ZBTB9: variants seen among roughly 807,000 people sequenced by gnomAD.
The protein encoded by ZBTB9 is zinc finger and BTB domain-containing protein 9.
Under a neutral mutation model 26.3 loss-of-function variants are expected in ZBTB9, and 17 were observed. That is an observed-to-expected ratio of 0.65 (90% CI 0.44 to 0.97). ZBTB9 has a LOEUF of 0.97. Among genes scored for constraint, ZBTB9 ranks in the 50% least tolerant of loss-of-function variants. The pLI, the probability that ZBTB9 is intolerant of heterozygous loss-of-function variation, is 0.00. For missense variants in ZBTB9, 510 were observed against 594.2 expected, an observed-to-expected ratio of 0.86 and a Z score of 1.47; for synonymous variants, 226 against 234.3, an observed-to-expected ratio of 0.96 and a Z score of 0.32.
Position 33,456,289 on chromosome 6 carries a change from A to G in ZBTB9, c.1189A>G (p.Lys397Glu), listed in dbSNP as rs1178714100. ...LCGKRFAVKP[K>E]RDRHIMLTFS... is the part of the protein sequence containing the mutation. ...TGGGAAGCGGTTTGCAGTGAAGCCAAAGCGTGACCGGCACATCATGCTGAC... is the reference window on the plus strand; with the variant it reads ...TGGGAAGCGGTTTGCAGTGAAGCCAGAGCGTGACCGGCACATCATGCTGAC... The change falls in exon 2 of 2, where the codon AAG becomes GAG. Residue 397 changes from lysine (K) to glutamate (E), a missense_variant. By Grantham distance (56) the Lys-to-Glu change is moderately conservative (BLOSUM62 1). Around this residue, in one of 2 missense-constraint regions of ZBTB9, gnomAD observed 71 missense variants for 133.8 expected, o/e 0.53. Coordinates refer to ENST00000395064, the MANE Select transcript of ZBTB9 (RefSeq NM_152735.4). The surrounding 1 kb of genome is among the most constrained non-coding windows in gnomAD (Gnocchi z 5.1). 6.2e-7 allele frequency: 1 copy of G among 1,613,638 alleles called. No individual in the cohort carries two copies. The highest frequency in any genetic ancestry group is 8.5e-7 in the Non-Finnish European group (1 of 1,179,854).
upstream of ZBTB9, chr6:33,453,185 ACTC>A (rs1341592339): frequency 2.7e-5 from 4 of 149,886 alleles, no homozygotes; most frequent in Admixed American, 1.3e-4. Context: ...CCTAGACTCT[ACTC>A]CTCTTTCTTT....
rs764074103 is a variant in ZBTB9, at chr6:33,456,041, C to T, written c.941C>T (p.Ser314Phe). ...GCAAAGGAGGAAACCAAAGTGTTTT[C>T]TGGAGGGGACACTGAAGGGAATGGG... Reference protein sequence around the residue: ...GGAKEETKVFSGGDTEGNGEL... With the variant: ...GGAKEETKVFFGGDTEGNGEL... The change falls in exon 2 of 2, where the codon TCT becomes TTT. Residue 314 changes from serine to phenylalanine, a missense_variant. Transcript: ENST00000395064. The surrounding 1 kb of genome is among the most constrained non-coding windows in gnomAD (Gnocchi z 5.1). 3.7e-6 allele frequency: 6 copies of T among 1,613,916 alleles called. No homozygotes were observed. The East Asian group carries it at 1.1e-4, about 30-fold the overall frequency.
chr6:33,454,962 G>A, intron 1 of ZBTB9, 68 bp from the exon 2 acceptor site: 1 of 1,337,920 alleles, frequency 7.5e-7, no homozygotes, highest in East Asian at 2.5e-5. Flanking sequence ...CGTGGGGAGG[G>A]GGTTGTTTGA....
In ZBTB9 at chr6:33,457,055, C is replaced by T; in HGVS notation, c.*533C>T. 1 of 167,818 alleles carries T rather than the reference C, an allele frequency of 6.0e-6. No homozygotes were observed. Among genetic ancestry groups the T allele is most frequent in the Non-Finnish European group, 1.5e-5 (1 of 68,588 alleles). 10.4% of individuals were successfully genotyped at this position (167,818 alleles called of 1,614,324 possible). ...TTTTAAAATTGTATCTTTCCAGGAG[C>T]CCCTCAGATTGTACCTTGCTTTCTC... On this transcript the variant is annotated 3_prime_UTR_variant, in exon 2 of 2. Transcript: ENST00000395064.
chr6:33,455,683 C>T lies in ZBTB9; in HGVS notation c.583C>T (p.Pro195Ser), dbSNP rs770000350. The T allele has an allele frequency of 6.2e-7, 1 of 1,614,160 alleles. No homozygotes were observed. The highest frequency in any genetic ancestry group is 8.5e-7 in the Non-Finnish European group (1 of 1,180,042). ...TGAAAGCCCTGCTTCCACTGAGAGC[C>T]CTGTGGGAGGGGAGGGAAGTGAACT... ...STESPASTES[P>S]VGGEGSELGE... is the part of the protein sequence containing the mutation. The change falls in exon 2 of 2, where the codon CCT becomes TCT. Residue 195 changes from proline (P) to serine (S), a missense_variant. Physicochemically the swap from Pro to Ser is moderately conservative, Grantham distance 74 (BLOSUM62 -1). This residue lies in a region of ZBTB9 where 439 missense variants were observed against 460.4 expected (regional missense o/e 0.95). Transcript: ENST00000395064.
chr6:33,455,902 G>A lies in ZBTB9; in HGVS notation c.802G>A (p.Ala268Thr). 1 of 1,613,344 alleles carries A rather than the reference G, an allele frequency of 6.2e-7. No homozygotes were observed. The highest frequency in any genetic ancestry group is 8.5e-7 in the Non-Finnish European group (1 of 1,179,654). ...TPRKLPEGES[A>T]PLELPAPPAL... is the part of the protein sequence containing the mutation. ...CCGAAAGCTTCCAGAGGGTGAGAGT[G>A]CACCACTTGAGCTTCCTGCCCCTCC... Residue 268 changes from alanine (A) to threonine (T), a missense_variant, in exon 2 of 2, where the codon GCA (alanine) becomes ACA (threonine). Physicochemically the swap from Ala to Thr is moderately conservative, Grantham distance 58. This residue lies in a region of ZBTB9 where 439 missense variants were observed against 460.4 expected (regional missense o/e 0.95). Transcript: ENST00000395064.
At position 33,455,857 on chromosome 6, in the gene ZBTB9, C is replaced by G. The variant is rs752687457; in HGVS notation, c.757C>G (p.Leu253Val). 11 of 1,612,850 alleles carry G rather than the reference C, an allele frequency of 6.8e-6. No individual in the cohort carries two copies. In the Admixed American group the frequency reaches 1.8e-4, roughly 27 times the overall value. ...TCCCCGTCCTCATGGACCCCACCCA[C>G]TGCCCATGACTGCTACTCCCCGAAA... ...VFPRPHGPHP[L>V]PMTATPRKLP... The change falls in exon 2 of 2, where the codon CTG becomes GTG. Residue 253 changes from leucine to valine, a missense_variant. Physicochemically the swap from Leu to Val is conservative, Grantham distance 32 (BLOSUM62 1). Around this residue, in one of 2 missense-constraint regions of ZBTB9, gnomAD observed 439 missense variants for 460.4 expected, o/e 0.95. Coordinates refer to ENST00000395064, the MANE Select transcript of ZBTB9 (RefSeq NM_152735.4).
Position 33,456,225 on chromosome 6 carries a change from G to T in ZBTB9, c.1125G>T (p.Gly375=). 1 of 1,612,542 alleles carries T rather than the reference G, an allele frequency of 6.2e-7. No individual in the cohort carries two copies. Among genetic ancestry groups the T allele is most frequent in the Non-Finnish European group, 8.5e-7 (1 of 1,179,488 alleles). ...TGCATGGGCCTGTGAAGCTAGGGGG[G>T]ACACCCCCTGCAGATGGAAAACGCT... The part of the protein sequence containing the change: ...QAVHGPVKLG[G]TPPADGKRFG... Residue 375 remains glycine (G), a synonymous_variant, in exon 2 of 2, where the codon GGG becomes GGT. Transcript: ENST00000395064. This position sits in a 1 kb window ranked among gnomAD's most constrained non-coding sequence, Gnocchi z 5.1.
At position 33,455,280 on chromosome 6, in the gene ZBTB9, G is replaced by T; in HGVS notation, c.180G>T (p.Arg60Ser). The T allele has an allele frequency of 6.2e-7, 1 of 1,614,174 alleles. No individual in the cohort carries two copies. The highest frequency in any genetic ancestry group is 8.5e-7 in the Non-Finnish European group (1 of 1,180,044). Residue 60 changes from arginine (R) to serine (S), a missense_variant, in exon 2 of 2, where the codon AGG (arginine) becomes AGT (serine). Physicochemically the swap from Arg to Ser is moderately radical, Grantham distance 110. This residue lies in a region of ZBTB9 where 439 missense variants were observed against 460.4 expected (regional missense o/e 0.95). Coordinates refer to ENST00000395064, the MANE Select transcript of ZBTB9 (RefSeq NM_152735.4). ...TCCTGGTGCAGGGCCGGGAACTTAG[G>T]GCTCATAAAGCAGTGTTAGCTGCTG... ...VSLLVQGREL[R>S]AHKAVLAAAS...
rs771693572 is a variant in ZBTB9, at chr6:33,456,167, G to T, written c.1067G>T (p.Gly356Val). 4.4e-6 allele frequency: 7 copies of T among 1,609,054 alleles called. No homozygotes were observed. Among genetic ancestry groups the T allele is most frequent in the South Asian group, 1.1e-5 (1 of 90,540 alleles). ...VDLHGNEILSGGGGPGGAGQA... is the reference protein window; with the variant it reads ...VDLHGNEILSVGGGPGGAGQA... ...CTTCATGGGAATGAAATCCTGTCAG[G>T]GGGTGGAGGACCTGGGGGAGCAGGC... Residue 356 changes from glycine to valine, a missense_variant, in exon 2 of 2, where the codon GGG (glycine) becomes GTG (valine). Around this residue, in one of 2 missense-constraint regions of ZBTB9, gnomAD observed 439 missense variants for 460.4 expected, o/e 0.95. Coordinates refer to ENST00000395064, the MANE Select transcript of ZBTB9 (RefSeq NM_152735.4). The surrounding 1 kb of genome is among the most constrained non-coding windows in gnomAD (Gnocchi z 5.1).
chr6:33,456,466 C>T lies in ZBTB9; in HGVS notation c.1366C>T (p.His456Tyr). ...RFRVHACFLRHRDLCKGQGWA... is the reference protein window; with the variant it reads ...RFRVHACFLRYRDLCKGQGWA... ...CCGAGTCCATGCCTGTTTTCTCCGC[C>T]ACCGGGACCTATGCAAGGGCCAGGG... The change falls in exon 2 of 2, where the codon CAC (histidine) becomes TAC (tyrosine). Residue 456 changes from histidine to tyrosine, a missense_variant. His to Tyr is a moderately conservative substitution (Grantham distance 83). Around this residue, in one of 2 missense-constraint regions of ZBTB9, gnomAD observed 71 missense variants for 133.8 expected, o/e 0.53. Transcript: ENST00000395064. The surrounding 1 kb of genome is among the most constrained non-coding windows in gnomAD (Gnocchi z 5.1). 1 of 1,613,976 alleles carries T rather than the reference C, an allele frequency of 6.2e-7. No homozygotes were observed. Among genetic ancestry groups the T allele is most frequent in the African/African-American group, 1.3e-5 (1 of 75,022 alleles).
At chr6:33,453,528 GTTTTA>G (rs1403215247), upstream of ZBTB9, 1 of 135,736 alleles carries the variant, frequency 7.4e-6, no homozygotes, top group Non-Finnish European at 1.5e-5. Context: ...CTTCCTACCT[GTTTTA>G]TTTTGTTTTC....
At position 33,455,022 on chromosome 6, in the gene ZBTB9, C is replaced by G. The variant is rs573501402; in HGVS notation, c.-71-8C>G. The G allele has an allele frequency of 6.6e-7, 1 of 1,513,754 alleles. No homozygotes were observed. The highest frequency in any genetic ancestry group is 8.8e-7 in the Non-Finnish European group (1 of 1,131,888). The allele number at this position is 1,513,754 out of a possible 1,614,324, so 93.8% of individuals were successfully genotyped here. A position where few individuals can be genotyped will look rare whatever the true frequency, so the allele number is the denominator to read the frequency against. Reference sequence around the variant, plus strand: ...GGCTTCTGTGACCTCCATCTTTTTCCTCTGCAGCCTTCATCCCGCGTGGAG... The same window carrying G: ...GGCTTCTGTGACCTCCATCTTTTTCGTCTGCAGCCTTCATCCCGCGTGGAG... On this transcript the variant is annotated splice_region_variant and splice_polypyrimidine_tract_variant and intron_variant, in intron 1 of 1. Coordinates refer to ENST00000395064, the MANE Select transcript of ZBTB9 (RefSeq NM_152735.4).
chr6:33,454,843 T>A (rs1761446559), intron 1 of ZBTB9, 68 bp downstream of exon 1: 1 of 525,392 alleles, frequency 1.9e-6, no homozygotes. Flanking sequence ...TTAAAACCCC[T>A]GTTGGTGTTT....
At position 33,455,151 on chromosome 6, in the gene ZBTB9, C is replaced by T. The variant is rs1761455049; in HGVS notation, c.51C>T (p.Asn17=). The part of the protein sequence containing the change: ...LPPVPASPTC[N]PAPRTIQIEF... ...CTGTACCCGCCTCCCCGACCTGCAA[C>T]CCAGCCCCACGGACAATCCAGATCG... The change falls in exon 2 of 2, where the codon AAC becomes AAT. Residue 17 remains asparagine, a synonymous_variant. Coordinates refer to ENST00000395064, the MANE Select transcript of ZBTB9 (RefSeq NM_152735.4). 1.2e-6 allele frequency: 2 copies of T among 1,613,694 alleles called. No individual in the cohort carries two copies. Among genetic ancestry groups the T allele is most frequent in the Admixed American group, 1.7e-5 (1 of 59,986 alleles).
In ZBTB9 at chr6:33,454,778, G is replaced by C. The variant is rs1761444344; in HGVS notation, c.-72+3G>C. The C allele has an allele frequency of 4.8e-6, 2 of 418,106 alleles. 1 individual carries two copies. Among genetic ancestry groups the C allele is most frequent in the South Asian group, 9.2e-5 (2 of 21,736 alleles). The allele number at this position is 418,106 out of a possible 1,614,324, so 25.9% of individuals were successfully genotyped here. ...GGGGCAGGAGCTGTTCTGGGCAGGT[G>C]AAGGCAGGCTGGTGGCTGAAGGACC... On this transcript the variant is annotated splice_donor_region_variant and intron_variant, in intron 1 of 1. Coordinates refer to ENST00000395064, the MANE Select transcript of ZBTB9 (RefSeq NM_152735.4).
At position 33,455,791 on chromosome 6, in the gene ZBTB9, C is replaced by T. The variant is rs758283802; in HGVS notation, c.691C>T (p.Leu231Phe). The change falls in exon 2 of 2, where the codon CTC (leucine) becomes TTC (phenylalanine). Residue 231 changes from leucine to phenylalanine, a missense_variant. By Grantham distance (22) the Leu-to-Phe change is conservative. Transcript: ENST00000395064. Reference protein sequence around the residue: ...DDDEDQGSATLSQTPQPQRVS... With the variant: ...DDDEDQGSATFSQTPQPQRVS... ...TGATGAGGACCAGGGGTCAGCCACA[C>T]TCTCTCAGACTCCTCAGCCCCAGAG... The T allele has an allele frequency of 3.1e-6, 5 of 1,611,366 alleles. No homozygotes were observed. The highest frequency in any genetic ancestry group is 4.2e-6 in the Non-Finnish European group (5 of 1,178,494).
rs763141540 is a variant in ZBTB9, at chr6:33,456,408, C to T, written c.1308C>T (p.Ala436=). ...LTEHMKTHAG[A]LHACPHCGRR... The stretch of plus-strand genomic sequence containing the variant: ...AGCACATGAAGACCCATGCTGGAGC[C>T]CTGCATGCCTGTCCCCACTGTGGCC... Residue 436 remains alanine (A), a synonymous_variant, in exon 2 of 2, where the codon GCC becomes GCT. Transcript: ENST00000395064. The surrounding 1 kb of genome is among the most constrained non-coding windows in gnomAD (Gnocchi z 5.1). 2 of 1,614,188 alleles carry T rather than the reference C, an allele frequency of 1.2e-6. No individual in the cohort carries two copies. The highest frequency in any genetic ancestry group is 1.7e-5 in the Admixed American group (1 of 60,024).
Position 33,455,039 on chromosome 6 carries a change from C to G in ZBTB9, c.-62C>G, listed in dbSNP as rs1403641210. On this transcript the variant is annotated 5_prime_UTR_variant, in exon 2 of 2. Coordinates refer to ENST00000395064, the MANE Select transcript of ZBTB9 (RefSeq NM_152735.4). Reference sequence around the variant, plus strand: ...TCTTTTTCCTCTGCAGCCTTCATCCCGCGTGGAGTCTACCCCCAAGCCCTT... The same window carrying G: ...TCTTTTTCCTCTGCAGCCTTCATCCGGCGTGGAGTCTACCCCCAAGCCCTT... 36 of 1,524,672 alleles carry G rather than the reference C, an allele frequency of 2.4e-5. No individual in the cohort carries two copies. The highest frequency in any genetic ancestry group is 3.1e-5 in the Non-Finnish European group (35 of 1,136,978). 94.4% of individuals were successfully genotyped at this position (1,524,672 alleles called of 1,614,324 possible).
Sources: allele counts gnomAD v4.1 joint callset, GRCh38; gene constraint gnomAD v4.1.1; regional missense constraint gnomAD v4.1.1; non-coding constraint Gnocchi (gnomAD v3.1); transcripts MANE v1.5; gene names NCBI Gene and HGNC (gene_info 2026-07-23, HGNC 2026-07-21).